The following COL5A3 variants were observed in gnomAD, a reference collection of about 807,000 sequenced individuals.
COL5A3 encodes the protein collagen alpha-3(V) chain.
In COL5A3, 172 loss-of-function variants were observed where a neutral mutation model predicts 250.0. The observed-to-expected ratio is 0.69, with a 90% CI of 0.61 to 0.78. The LOEUF is 0.78. Ranked by LOEUF, COL5A3 falls within the 30% of genes least tolerant of loss-of-function variation. COL5A3 has a pLI of 0.00. For synonymous variants in COL5A3, 937 were observed against 900.4 expected (o/e 1.04, Z -0.73); for missense variants, 2,340 against 2,334.4 (o/e 1.00, Z -0.05).
In COL5A3 at chr19:9,969,902, AC is replaced by A; in HGVS notation, c.3956del (p.Gly1319ValfsTer74). Reference protein sequence around the residue: ...PGKRGPSGHMGREGREGEKGA... With the variant: ...PGKRGPSGHMXREGREGEKGA... ...CTTTCTCCCCTTCTCTGCCTTCTCG[AC>A]CCATGTGGCCTGAAGGACCCTTGGA... On this transcript the variant is annotated frameshift_variant, in exon 55 of 67. Transcript: ENST00000264828. LOFTEE classifies it high-confidence loss of function. 1 of 1,610,484 alleles carries A rather than the reference AC, an allele frequency of 6.2e-7. No homozygotes were observed. Among genetic ancestry groups the A allele is most frequent in the East Asian group, 2.2e-5 (1 of 44,680 alleles).
intron 45 of COL5A3, among the ~76,000 whole-genome samples, chr19:9,975,590 G>A (rs1487026017): frequency 1.3e-5 from 2 of 152,180 alleles, no homozygotes; most frequent in Non-Finnish European, 2.9e-5. Flanking sequence ...TTGGATGTTG[G>A]CATTGAGGGG....
chr19:9,973,579 TG>T lies in COL5A3; in HGVS notation c.3656del (p.Pro1219GlnfsTer49). ...DAGDPGPPGA[P>X]GIPGPKGDIG... ...TCACACAGTCACTCACCGGGATGCC[TG>T]GGGCTCCTGGAGGCCCTGGGTCTCC... On this transcript the variant is annotated frameshift_variant, in exon 50 of 67. Coordinates refer to ENST00000264828, the MANE Select transcript of COL5A3 (RefSeq NM_015719.4). LOFTEE classifies it high-confidence loss of function. 6.2e-7 allele frequency: 1 copy of T among 1,612,312 alleles called. No individual in the cohort carries two copies.
chr19:9,964,382 T>C (rs541486943), intron 64 of COL5A3, among the ~76,000 whole-genome samples: 1 of 151,876 alleles, frequency 6.6e-6, no homozygotes, highest in South Asian at 2.1e-4. Flanking sequence ...GGAGGATCTC[T>C]TGAGGCCAGG....
intron 54 of COL5A3, among the ~76,000 whole-genome samples, chr19:9,970,207 G>A (rs569832201): frequency 1.5e-5 from 1 of 68,272 alleles, no homozygotes. Context: ...GGTGAGTGGG[G>A]GCTGTGGGTG....
chr19:10,001,533 C>G lies in COL5A3; in HGVS notation c.1101G>C (p.Gln367His). ...AAEYPSRTQF[Q>H]IFPGAGEKGA... ...CCACCTAGAAACTCACAGGAAAGAT[C>G]TGGAACTGAGTCCGAGATGGATATT... The change falls in exon 8 of 67, where the codon CAG becomes CAC. Residue 367 changes from glutamine (Q) to histidine (H), a missense_variant. Transcript: ENST00000264828. 1.9e-6 allele frequency: 3 copies of G among 1,614,130 alleles called. No homozygotes were observed. The highest frequency in any genetic ancestry group is 2.2e-5 in the South Asian group (2 of 91,068).
chr19:9,984,085 A>G (rs2087060068), intron 31 of COL5A3, among the ~76,000 whole-genome samples: 1 of 151,722 alleles, frequency 6.6e-6, no homozygotes, highest in Non-Finnish European at 1.5e-5. Context: ...AGTAAGTGGC[A>G]CGATCTCAGC....
At chr19:10,006,046 G>T in intron 2 of COL5A3, 27 bp downstream of exon 2, 2 of 1,611,938 alleles carry the variant, frequency 1.2e-6, no homozygotes, top group Non-Finnish European at 1.7e-6. Context: ...CTCCGGGGAG[G>T]TACCCAGGCC....
intron 62 of COL5A3, 36 bp from the exon 63 acceptor site, chr19:9,966,782 A>T: frequency 6.9e-7 from 1 of 1,455,974 alleles, no homozygotes; most frequent in Non-Finnish European, 9.3e-7. Flanking sequence ...AAGAGAGGGG[A>T]GATGGGGGAG....
intron 54 of COL5A3, among the ~76,000 whole-genome samples, 177 bp from the exon 55 acceptor site, chr19:9,970,099 GTGGA>G (rs1568407055): frequency 4.1e-5 from 2 of 49,352 alleles, no homozygotes; most frequent in African/African-American, 1.5e-4. Context: ...CTGTGGCTGA[GTGGA>G]GGCTGTGGGT....
rs1400015307 is a variant in COL5A3, at chr19:9,972,331, GTTCATCCATTCACTCATTTA to G, written c.3774+568_3774+587del. 7.3e-5 allele frequency among the ~76,000 whole-genome samples: 6 copies of G among 82,414 alleles called. 1 individual carries two copies. The South Asian group carries it at 2.2e-3, about 31-fold the overall frequency. 54.1% of individuals were successfully genotyped at this position (82,414 alleles called of 152,430 possible). ...CACTCGTTCATCCATTCACTCACTC[GTTCATCCATTCACTCATTTA>G]TTCATCCATTTATTCATTCACGTAT... On this transcript the variant is annotated intron_variant, in intron 51 of 66. Transcript: ENST00000264828.
chr19:10,010,192 C>T, intron 1 of COL5A3, 106 bp downstream of exon 1: 1 of 821,258 alleles, frequency 1.2e-6, no homozygotes, highest in Non-Finnish European at 1.7e-6. Context: ...GCACGCGGCG[C>T]CCACGCCCTT....
chr19:9,989,793 G>A (rs1392536692), intron 24 of COL5A3, among the ~76,000 whole-genome samples: 1 of 152,146 alleles, frequency 6.6e-6, no homozygotes, highest in Non-Finnish European at 1.5e-5. Flanking sequence ...GGTAACTATA[G>A]TCAATTATAT....
chr19:9,977,771 A>T, intron 41 of COL5A3, 70 bp from the exon 42 acceptor site: 1 of 1,237,814 alleles, frequency 8.1e-7, no homozygotes, highest in Non-Finnish European at 1.1e-6. Flanking sequence ...TTTTTAAGCC[A>T]CCAGGCACTG....
intron 24 of COL5A3, among the ~76,000 whole-genome samples, chr19:9,990,761 C>G (rs1480611170): frequency 6.6e-6 from 1 of 152,052 alleles, no homozygotes; most frequent in Non-Finnish European, 1.5e-5. Flanking sequence ...GACAGGGTTT[C>G]ACCATGTTAG....
chr19:10,003,787 G>A (rs1042121196), intron 5 of COL5A3, 73 bp from the exon 6 acceptor site: 2 of 1,586,656 alleles, frequency 1.3e-6, no homozygotes, highest in Non-Finnish European at 1.7e-6. Context: ...CACCTGGGGT[G>A]AGGCTGGCTC....
chr19:9,976,697 C>A, intron 44 of COL5A3, 86 bp from the exon 45 acceptor site: 1 of 1,016,306 alleles, frequency 9.8e-7, no homozygotes, highest in Non-Finnish European at 1.4e-6. Flanking sequence ...GCCTCCCACA[C>A]CCCCTTTATG....
Position 9,991,826 on chromosome 19 carries a change from G to A in COL5A3, c.1909C>T (p.Pro637Ser), listed in dbSNP as rs1402768801. ...TTTCCCTGCTGTCCCGGAGGGCCTG[G>A]TTCTCCTGGAGGACCCTGGGGAGAA... The part of the protein sequence containing the change: ...AKGNVGPPGE[P>S]GPPGQQGNHG... Residue 637 changes from proline (P) to serine (S), a missense_variant, in exon 23 of 67, where the codon CCA becomes TCA. Pro to Ser is a moderately conservative substitution (Grantham distance 74, BLOSUM62 -1). Transcript: ENST00000264828. 1.9e-6 allele frequency: 3 copies of A among 1,609,780 alleles called. No homozygotes were observed. The South Asian group carries it at 3.3e-5, about 18-fold the overall frequency.
At chr19:9,994,742 G>A (rs1220472841) in intron 16 of COL5A3, among the ~76,000 whole-genome samples, 1 of 150,890 alleles carries the variant, frequency 6.6e-6, no homozygotes, top group Non-Finnish European at 1.5e-5. Context: ...AGGCTATGCG[G>A]TATAACCTAG....
intron 45 of COL5A3, among the ~76,000 whole-genome samples, chr19:9,975,139 A>G (rs866372047): frequency 1.8e-4 from 26 of 146,080 alleles, no homozygotes; most frequent in African/African-American, 6.6e-4. Flanking sequence ...CAGTGGTGCT[A>G]TCTTGGCTCA....
Sources: gnomAD v4.1 joint callset for allele counts (sites outside exome capture counted in the v4.1 genomes callset) on GRCh38, gnomAD v4.1.1 for gene constraint, MANE v1.5 for transcripts, NCBI Gene and HGNC (gene_info 2026-07-23, HGNC 2026-07-21) for gene names.